The following PHF21A variants were observed in gnomAD, a reference collection of about 807,000 sequenced individuals.
PHF21A encodes the protein PHD finger protein 21A.
In PHF21A, 11 loss-of-function variants were observed where a neutral mutation model predicts 82.5. The observed-to-expected ratio is 0.13, with a 90% CI of 0.08 to 0.22. The LOEUF (loss-of-function observed/expected upper bound fraction) is 0.22. Among genes scored for constraint, PHF21A ranks in the 10% least tolerant of loss-of-function variants. The pLI is 1.00. For missense variants in PHF21A, 579 were observed against 837.8 expected, an observed-to-expected ratio of 0.69 and a Z score of 3.81; for synonymous variants, 297 against 302.8, an observed-to-expected ratio of 0.98 and a Z score of 0.20.
chr11:46,035,630 C>A (rs773891104), intron 6 of PHF21A, among the ~76,000 whole-genome samples: 34 of 152,074 alleles, frequency 2.2e-4, no homozygotes, highest in Non-Finnish European at 4.0e-4. Context: ...AACAGGTGGA[C>A]CTAACCTAAT....
intron 3 of PHF21A, among the ~76,000 whole-genome samples, chr11:46,088,772 C>G (rs1277880812): frequency 6.6e-6 from 1 of 152,164 alleles, no homozygotes; most frequent in South Asian, 2.1e-4. Flanking sequence ...AATAGAACTT[C>G]TCTACATAGT....
At chr11:46,077,330 A>AC (rs1565877658) in intron 5 of PHF21A, among the ~76,000 whole-genome samples, 1 of 152,246 alleles carries the variant, frequency 6.6e-6, no homozygotes, top group Non-Finnish European at 1.5e-5. Flanking sequence ...AACTGCCTTA[A>AC]CACTACATCA....
intron 4 of PHF21A, among the ~76,000 whole-genome samples, chr11:46,083,159 A>C (rs1014920876): frequency 6.8e-6 from 1 of 147,770 alleles, no homozygotes; most frequent in Non-Finnish European, 1.5e-5. Flanking sequence ...TTAGTAACAG[A>C]AGCAAAGTTA....
At chr11:46,038,423 C>T (rs889179495) in intron 6 of PHF21A, among the ~76,000 whole-genome samples, 2 of 152,150 alleles carry the variant, frequency 1.3e-5, no homozygotes, top group Admixed American at 1.3e-4. Context: ...CCACTGCACC[C>T]GGCCCATTTC....
At chr11:45,946,866 C>T (rs568368666) in intron 14 of PHF21A, among the ~76,000 whole-genome samples, 6 of 152,310 alleles carry the variant, frequency 3.9e-5, no homozygotes, top group Admixed American at 3.9e-4. Context: ...TTCAAGTTAA[C>T]TATTCTTATC....
chr11:45,957,594 CA>C (rs765709203), intron 10 of PHF21A, among the ~76,000 whole-genome samples: 72 of 151,520 alleles, frequency 4.8e-4, no homozygotes, highest in Non-Finnish European at 8.6e-4. Context: ...GAAATGAAAA[CA>C]AGGCCACAAC....
intron 6 of PHF21A, among the ~76,000 whole-genome samples, chr11:46,050,278 C>A (rs1381967904): frequency 1.3e-5 from 2 of 152,252 alleles, no homozygotes; most frequent in African/African-American, 4.8e-5. Flanking sequence ...AGTGTCCTTG[C>A]TCACGGCAGG....
At chr11:46,054,581 C>A (rs2096422314) in intron 6 of PHF21A, among the ~76,000 whole-genome samples, 1 of 152,146 alleles carries the variant, frequency 6.6e-6, no homozygotes, top group African/African-American at 2.4e-5. Context: ...GGCTGAGAAC[C>A]AGCAGTTTAC....
At chr11:46,034,012 C>A (rs886136272) in intron 6 of PHF21A, among the ~76,000 whole-genome samples, 7 of 152,192 alleles carry the variant, frequency 4.6e-5, no homozygotes, top group Non-Finnish European at 5.9e-5. Context: ...TGCTGCTTAT[C>A]CTTGCCAATG....
intron 6 of PHF21A, among the ~76,000 whole-genome samples, chr11:46,054,033 A>C (rs1246995878): frequency 6.6e-6 from 1 of 152,142 alleles, no homozygotes; most frequent in Admixed American, 6.6e-5. Flanking sequence ...TTCACAAGCA[A>C]CGTCGTGGCA....
At chr11:46,074,221 T>C (rs1030262810) in intron 6 of PHF21A, among the ~76,000 whole-genome samples, 1 of 151,414 alleles carries the variant, frequency 6.6e-6, no homozygotes, top group African/African-American at 2.4e-5. Context: ...CTAATAAATA[T>C]TGAAAAAAAT....
chr11:46,058,173 G>A (rs2096486712), intron 6 of PHF21A, among the ~76,000 whole-genome samples: 1 of 152,078 alleles, frequency 6.6e-6, no homozygotes, highest in Non-Finnish European at 1.5e-5. Context: ...CTTACCATGG[G>A]GGTAAGAGAA....
intron 6 of PHF21A, among the ~76,000 whole-genome samples, chr11:45,982,270 A>C (rs2094329236): frequency 6.6e-6 from 1 of 151,956 alleles, no homozygotes; most frequent in African/African-American, 2.4e-5. Flanking sequence ...AGGTTTTTAG[A>C]AAAATATTTT....
intron 10 of PHF21A, among the ~76,000 whole-genome samples, chr11:45,953,947 G>A (rs1360397203): frequency 3.9e-5 from 6 of 152,112 alleles, no homozygotes; most frequent in African/African-American, 7.2e-5. Context: ...TGATTTCCAC[G>A]TATTTTAGAA....
At chr11:46,024,013 CAT>C (rs150029824) in intron 6 of PHF21A, among the ~76,000 whole-genome samples, 18,280 of 152,170 alleles carry the variant, frequency 0.12, 1,314 homozygotes, top group African/African-American at 0.21. Context: ...CAACCTGTAA[CAT>C]GTGGGAACAC....
chr11:46,057,966 G>A (rs2096483721), intron 6 of PHF21A, among the ~76,000 whole-genome samples: 1 of 152,134 alleles, frequency 6.6e-6, no homozygotes, highest in Admixed American at 6.5e-5. Flanking sequence ...TGTTTCTGGT[G>A]GAAATTCAAA....
intron 8 of PHF21A, chr11:45,970,128 C>A: frequency 4.2e-6 from 2 of 472,808 alleles, no homozygotes; most frequent in African/African-American, 2.0e-5. Flanking sequence ...TCCTCCTACA[C>A]CTAATGGAGA....
intron 6 of PHF21A, among the ~76,000 whole-genome samples, chr11:45,994,152 T>G (rs1002508991): frequency 6.6e-6 from 1 of 152,180 alleles, no homozygotes; most frequent in Non-Finnish European, 1.5e-5. Context: ...GCCAAAAACT[T>G]CAATTCTGGA....
At chr11:46,099,029 T>C (rs921333260) in intron 1 of PHF21A, among the ~76,000 whole-genome samples, 3 of 152,090 alleles carry the variant, frequency 2.0e-5, no homozygotes, top group African/African-American at 4.8e-5. Flanking sequence ...TACCAGATTT[T>C]AAAAATAAAC....
Sources: gnomAD v4.1 joint callset for allele counts (sites outside exome capture counted in the v4.1 genomes callset) on GRCh38, gnomAD v4.1.1 for gene constraint, MANE v1.5 for transcripts, NCBI Gene and HGNC (gene_info 2026-07-23, HGNC 2026-07-21) for gene names.